The following CTNND2 variants were observed in gnomAD, a reference collection of about 807,000 sequenced individuals.
The protein encoded by CTNND2 is catenin delta 2.
A neutral mutation model predicts 144.4 loss-of-function variants in CTNND2; 22 were observed. That is an observed-to-expected ratio of 0.15 (90% confidence interval 0.11 to 0.22). The LOEUF (loss-of-function observed/expected upper bound fraction) is 0.22. CTNND2 is among the 10% of genes least tolerant of loss of function. The pLI is 1.00. For missense variants in CTNND2, 1,353 were observed against 1,618.8 expected, an observed-to-expected ratio of 0.84 and a Z score of 2.82; for synonymous variants, 751 against 695.6, an observed-to-expected ratio of 1.08 and a Z score of -1.25.
At chr5:11,553,440 A>G (rs1181668105) in intron 3 of CTNND2, among the ~76,000 whole-genome samples, 1 of 152,258 alleles carries the variant, frequency 6.6e-6, no homozygotes, top group Non-Finnish European at 1.5e-5. Flanking sequence ...CTGTGTATTC[A>G]TCAAAAAGGG....
At chr5:11,457,481 T>C (rs1447639852) in intron 3 of CTNND2, among the ~76,000 whole-genome samples, 1 of 152,210 alleles carries the variant, frequency 6.6e-6, no homozygotes, top group African/African-American at 2.4e-5. Context: ...ATACTATTTT[T>C]AAGACAATAA....
At chr5:11,576,816 C>T (rs954429549) in intron 2 of CTNND2, among the ~76,000 whole-genome samples, 1 of 152,138 alleles carries the variant, frequency 6.6e-6, no homozygotes, top group Non-Finnish European at 1.5e-5. Context: ...AGTGCAGTAG[C>T]TCTTTGAGAG....
chr5:11,064,663 T>C (rs914496665), intron 16 of CTNND2, among the ~76,000 whole-genome samples: 1 of 138,868 alleles, frequency 7.2e-6, no homozygotes, highest in Non-Finnish European at 1.7e-5. Context: ...CCCTACCTCA[T>C]GCCTGGGTCT....
intron 1 of CTNND2, among the ~76,000 whole-genome samples, chr5:11,737,176 G>A (rs2126754840): frequency 6.6e-6 from 1 of 152,144 alleles, no homozygotes; most frequent in South Asian, 2.1e-4. Context: ...CAGCCTACTC[G>A]CCCACTGGAA....
chr5:11,629,630 G>A (rs940419801), intron 2 of CTNND2, among the ~76,000 whole-genome samples: 1 of 152,048 alleles, frequency 6.6e-6, no homozygotes, highest in Admixed American at 6.6e-5. Flanking sequence ...TTCATTTGTA[G>A]GCACATGTTG....
At chr5:11,030,754 G>GTTTTTTTTTTTTTT (rs61312361) in intron 16 of CTNND2, among the ~76,000 whole-genome samples, 2 of 100,770 alleles carry the variant, frequency 2.0e-5, no homozygotes, top group Non-Finnish European at 3.9e-5. Flanking sequence ...TATGGTTTCT[G>GTTTTTTTTTTTTTT]TTTTTTTTTT....
chr5:11,451,215 G>A (rs946544957), intron 3 of CTNND2, among the ~76,000 whole-genome samples: 12 of 151,912 alleles, frequency 7.9e-5, no homozygotes, highest in African/African-American at 2.4e-4. Flanking sequence ...GTCCCGTAAC[G>A]TCTTTGTCAA....
chr5:11,581,409 A>G (rs1778420748), intron 2 of CTNND2, among the ~76,000 whole-genome samples: 1 of 152,226 alleles, frequency 6.6e-6, no homozygotes, highest in South Asian at 2.1e-4. Flanking sequence ...TTTTGAATAG[A>G]AAGTACAGAG....
chr5:11,130,264 C>A (rs1265631316), intron 12 of CTNND2, among the ~76,000 whole-genome samples: 1 of 152,058 alleles, frequency 6.6e-6, no homozygotes, highest in Non-Finnish European at 1.5e-5. Flanking sequence ...ACCACACCCC[C>A]CCCATCCACC....
At chr5:11,488,090 T>G (rs989599380) in intron 3 of CTNND2, among the ~76,000 whole-genome samples, 2 of 152,208 alleles carry the variant, frequency 1.3e-5, no homozygotes, top group Non-Finnish European at 2.9e-5. Flanking sequence ...AAACCTCATA[T>G]CCCAGCCTAC....
chr5:11,095,786 A>AT (rs1285262301), intron 15 of CTNND2, among the ~76,000 whole-genome samples: 1 of 151,468 alleles, frequency 6.6e-6, no homozygotes, highest in African/African-American at 2.4e-5. Flanking sequence ...CGCTTTTAGG[A>AT]TTTTTTTTCT....
chr5:11,585,317 G>A (rs955374885), intron 2 of CTNND2, among the ~76,000 whole-genome samples: 1 of 152,090 alleles, frequency 6.6e-6, no homozygotes. Flanking sequence ...GAGAGAATAC[G>A]GGGTTGCAAG....
chr5:11,583,097 T>C (rs997483335), intron 2 of CTNND2, among the ~76,000 whole-genome samples: 1 of 152,226 alleles, frequency 6.6e-6, no homozygotes, highest in Non-Finnish European at 1.5e-5. Context: ...TTACATAAAA[T>C]TGACAGGGAT....
intron 1 of CTNND2, among the ~76,000 whole-genome samples, chr5:11,746,383 A>G (rs764965810): frequency 6.6e-6 from 1 of 152,108 alleles, no homozygotes; most frequent in Non-Finnish European, 1.5e-5. Flanking sequence ...GGCACCATGA[A>G]TCACTTCACG....
intron 1 of CTNND2, among the ~76,000 whole-genome samples, chr5:11,836,865 G>A (rs1296410306): frequency 6.6e-6 from 1 of 152,186 alleles, no homozygotes; most frequent in African/African-American, 2.4e-5. Context: ...TATTTCAGGG[G>A]GATGGGATGA....
At chr5:11,404,051 T>C (rs1019357021) in intron 5 of CTNND2, among the ~76,000 whole-genome samples, 1 of 152,202 alleles carries the variant, frequency 6.6e-6, no homozygotes, top group African/African-American at 2.4e-5. Flanking sequence ...TATCTGGGTA[T>C]ATATGATGCT....
At chr5:11,474,788 C>T (rs1038169613) in intron 3 of CTNND2, among the ~76,000 whole-genome samples, 1 of 152,100 alleles carries the variant, frequency 6.6e-6, no homozygotes, top group Non-Finnish European at 1.5e-5. Context: ...AGATTGAGTC[C>T]CATTAGCACA....
At chr5:11,611,030 C>T (rs535054677) in intron 2 of CTNND2, among the ~76,000 whole-genome samples, 4 of 152,254 alleles carry the variant, frequency 2.6e-5, no homozygotes, top group African/African-American at 9.6e-5. Context: ...CCCATATTCT[C>T]CATGTGTCAT....
intron 2 of CTNND2, among the ~76,000 whole-genome samples, chr5:11,730,299 A>AT (rs1199376922): frequency 1.3e-5 from 2 of 152,054 alleles, no homozygotes; most frequent in Non-Finnish European, 2.9e-5. Flanking sequence ...TACAGTTACC[A>AT]TTTTTTTCCC....
Sources: allele counts gnomAD v4.1 joint callset (sites outside exome capture counted in the v4.1 genomes callset), GRCh38; gene constraint gnomAD v4.1.1; transcripts MANE v1.5; gene names NCBI Gene and HGNC (gene_info 2026-07-23, HGNC 2026-07-21).